Variants in PDZD8 observed in about 807,000 individuals in gnomAD.
PDZD8 encodes the protein PDZ domain containing 8.
A neutral mutation model predicts 85.8 loss-of-function variants in PDZD8; 14 were observed. That is an observed-to-expected ratio of 0.16 (90% CI 0.11 to 0.26). PDZD8 has a LOEUF of 0.26. Among genes scored for constraint, PDZD8 ranks in the 10% least tolerant of loss-of-function variants. The pLI is 1.00. For synonymous variants in PDZD8, 592 were observed against 568.6 expected (o/e 1.04, Z -0.59); for missense variants, 1,197 against 1,424.3 (o/e 0.84, Z 2.57).
intron 2 of PDZD8, among the ~76,000 whole-genome samples, chr10:117,330,745 G>A (rs904080650): frequency 2.6e-5 from 4 of 152,098 alleles, no homozygotes; most frequent in East Asian, 1.9e-4. Flanking sequence ...CCATAAATAT[G>A]CACATTTTTC....
At chr10:117,304,147 G>C (rs929594832) in intron 3 of PDZD8, among the ~76,000 whole-genome samples, 1 of 152,202 alleles carries the variant, frequency 6.6e-6, no homozygotes, top group Non-Finnish European at 1.5e-5. Flanking sequence ...ACCCTGTAAA[G>C]CCACAGAGGT....
chr10:117,288,270 T>C (rs1844699009), intron 4 of PDZD8, among the ~76,000 whole-genome samples: 1 of 152,110 alleles, frequency 6.6e-6, no homozygotes, highest in Non-Finnish European at 1.5e-5. Context: ...AAATATCTGT[T>C]GACATGGGGA....
Position 117,374,299 on chromosome 10 carries a change from G to T in PDZD8, c.872+57C>A, listed in dbSNP as rs1044691403. On this transcript the variant is annotated intron_variant, in intron 1 of 4. Coordinates refer to ENST00000334464, the MANE Select transcript of PDZD8 (RefSeq NM_173791.5). This position sits in a 1 kb window ranked among gnomAD's most constrained non-coding sequence, Gnocchi z 7.8. ...CTTTGCCCTTCCCAATCCACGCAGC[G>T]TCCCGCCCAGGCCCGGGTTCCCGGC... The T allele has an allele frequency of 6.3e-7, 1 of 1,588,324 alleles. No individual in the cohort carries two copies. Among genetic ancestry groups the T allele is most frequent in the South Asian group, 1.2e-5 (1 of 85,940 alleles).
intron 3 of PDZD8, among the ~76,000 whole-genome samples, chr10:117,316,542 G>T (rs1844132121): frequency 6.6e-6 from 1 of 152,014 alleles, no homozygotes; most frequent in African/African-American, 2.4e-5. Flanking sequence ...AAATAGATGA[G>T]TGTAGTGGTG....
At chr10:117,328,119 A>G (rs1844348288) in intron 2 of PDZD8, among the ~76,000 whole-genome samples, 1 of 152,220 alleles carries the variant, frequency 6.6e-6, no homozygotes, top group South Asian at 2.1e-4. Context: ...ATAAAGTATA[A>G]TATGTGCACC....
Position 117,318,965 on chromosome 10 carries a change from A to T in PDZD8, c.1005T>A (p.Ile335=). The T allele has an allele frequency of 6.2e-7, 1 of 1,606,682 alleles. No homozygotes were observed. ...VTLLECSRLL[I]FGSYDREANV... is the part of the protein sequence containing the mutation. The stretch of plus-strand genomic sequence containing the variant: ...TTGCCTCTCTGTCATAGGATCCAAA[A>T]ATGAGTAACCTGCAGAATAAAACAA... The change falls in exon 3 of 5, where the codon ATT becomes ATA. Residue 335 remains isoleucine (I), a synonymous_variant. Coordinates refer to ENST00000334464, the MANE Select transcript of PDZD8 (RefSeq NM_173791.5).
Position 117,356,379 on chromosome 10 carries a change from G to A in PDZD8, c.873-15277C>T, listed in dbSNP as rs1033195487. On this transcript the variant is annotated intron_variant, in intron 1 of 4. Transcript: ENST00000334464. ...TCATTAAAATTTGAAAATAACTAAA[G>A]CAAGACACACGAATAATAATTTATT... Among the ~76,000 whole-genome samples, 13 of 152,178 alleles carry A rather than the reference G, an allele frequency of 8.5e-5. No homozygotes were observed. The South Asian group carries it at 1.7e-3, about 19-fold the overall frequency.
intron 1 of PDZD8, among the ~76,000 whole-genome samples, chr10:117,353,849 G>A (rs1313142793): frequency 6.6e-6 from 1 of 152,122 alleles, no homozygotes; most frequent in Non-Finnish European, 1.5e-5. Flanking sequence ...AAATTGTTCT[G>A]TATACTAAAA....
chr10:117,296,450 A>G (rs1479520179), intron 3 of PDZD8, among the ~76,000 whole-genome samples: 1 of 152,144 alleles, frequency 6.6e-6, no homozygotes, highest in Admixed American at 6.6e-5. Context: ...TACAAATTCA[A>G]CACAATCCCA....
Position 117,336,001 on chromosome 10 carries a change from G to A in PDZD8, c.995+4979C>T, listed in dbSNP as rs148546439. 1.1e-4 allele frequency among the ~76,000 whole-genome samples: 16 copies of A among 152,302 alleles called. No homozygotes were observed. In the East Asian group the frequency reaches 2.9e-3, roughly 28 times the overall value. On this transcript the variant is annotated intron_variant, in intron 2 of 4. Transcript: ENST00000334464. ...GGTTTGCACATTCTTTATCCAAAAT[G>A]CTTAGGACCAGGAGTGCTTCAGATT...
intron 3 of PDZD8, among the ~76,000 whole-genome samples, chr10:117,300,383 G>A (rs915957104): frequency 6.6e-6 from 1 of 152,168 alleles, no homozygotes; most frequent in Non-Finnish European, 1.5e-5. Flanking sequence ...AAACATGTCT[G>A]AAAGTAGAAA....
intron 3 of PDZD8, among the ~76,000 whole-genome samples, chr10:117,309,276 C>A (rs759930201): frequency 3.3e-5 from 5 of 151,868 alleles, no homozygotes; most frequent in Non-Finnish European, 7.4e-5. Flanking sequence ...TACTGTGAAA[C>A]TACTTTGCTT....
At chr10:117,365,859 A>C (rs984804302) in intron 1 of PDZD8, among the ~76,000 whole-genome samples, 1 of 152,196 alleles carries the variant, frequency 6.6e-6, no homozygotes, top group Non-Finnish European at 1.5e-5. Context: ...GTCATTTAAT[A>C]ATACTTGTTT....
At chr10:117,292,284 G>T (rs1844780943) in intron 3 of PDZD8, among the ~76,000 whole-genome samples, 1 of 152,170 alleles carries the variant, frequency 6.6e-6, no homozygotes, top group Admixed American at 6.5e-5. Flanking sequence ...CACGTAATTT[G>T]TGTTTAAATC....
intron 2 of PDZD8, among the ~76,000 whole-genome samples, chr10:117,325,606 T>A (rs1434284297): frequency 6.6e-6 from 1 of 151,914 alleles, no homozygotes; most frequent in Non-Finnish European, 1.5e-5. Context: ...TTCCGCCATA[T>A]TGGCCAGGCT....
At chr10:117,326,509 C>T (rs977122817) in intron 2 of PDZD8, among the ~76,000 whole-genome samples, 11 of 152,300 alleles carry the variant, frequency 7.2e-5, no homozygotes, top group African/African-American at 2.4e-4. Context: ...TTTTGCTTGG[C>T]GCAGGATAAT....
chr10:117,286,988 A>G (rs1346473451), intron 4 of PDZD8, among the ~76,000 whole-genome samples: 1 of 152,026 alleles, frequency 6.6e-6, no homozygotes, highest in African/African-American at 2.4e-5. Flanking sequence ...TGTTTCCCTA[A>G]AGTCTACTCT....
chr10:117,332,619 G>A (rs111233578), intron 2 of PDZD8, among the ~76,000 whole-genome samples: 15,871 of 147,314 alleles, frequency 0.11, 1,110 homozygotes, highest in East Asian at 0.35. Context: ...TGATTATCTT[G>A]CCTCAGCCTC....
rs1844629876 is a variant in PDZD8 at position 117,284,710 on chromosome 10, C to T, written c.2023G>A (p.Asp675Asn). ...TSCPTKDSSD[D>N]RQTWESSEIL... is the part of the protein sequence containing the mutation. ...TCTGATGATTCCCATGTTTGACGGT[C>T]GTCCGAACTGTCCTTAGTAGGGCAG... The change falls in exon 5 of 5, where the codon GAC (aspartate) becomes AAC (asparagine). Residue 675 changes from aspartate (D) to asparagine (N), a missense_variant. Physicochemically the swap from Asp to Asn is conservative, Grantham distance 23. This residue lies in a region of PDZD8 where 418 missense variants were observed against 571.1 expected (regional missense o/e 0.73). Coordinates refer to ENST00000334464, the MANE Select transcript of PDZD8 (RefSeq NM_173791.5). 8.7e-6 allele frequency: 14 copies of T among 1,614,040 alleles called. No homozygotes were observed. The highest frequency in any genetic ancestry group is 1.7e-5 in the Admixed American group (1 of 60,004).
Sources: gnomAD v4.1 joint callset for allele counts (sites outside exome capture counted in the v4.1 genomes callset) on GRCh38, gnomAD v4.1.1 for gene constraint, gnomAD v4.1.1 regional missense constraint, Gnocchi (gnomAD v3.1) non-coding constraint, MANE v1.5 for transcripts, NCBI Gene and HGNC (gene_info 2026-07-23, HGNC 2026-07-21) for gene names.